LMBR1L: variants seen among roughly 807,000 people sequenced by gnomAD.
LMBR1L encodes the protein limb development membrane protein 1 like.
In LMBR1L, 47 loss-of-function variants were observed where a neutral mutation model predicts 67.3. The observed-to-expected ratio is 0.70, with a 90% CI of 0.55 to 0.89. The LOEUF (loss-of-function observed/expected upper bound fraction) is 0.89, where lower values mean the gene tolerates loss of function less well. LMBR1L is among the 40% of genes least tolerant of loss of function. The probability of loss-of-function intolerance (pLI) is 0.00; values close to 1 mark genes in which losing one functional copy is unlikely to be tolerated. For synonymous variants in LMBR1L, 247 were observed against 250.3 expected (o/e 0.99, Z 0.13); for missense variants, 533 against 599.2 (o/e 0.89, Z 1.15).
At chr12:49,104,141 G>A in intron 5 of LMBR1L, 1 of 475,472 alleles carries the variant, frequency 2.1e-6, no homozygotes, top group East Asian at 3.6e-5. Flanking sequence ...TAGAAAAAAG[G>A]TGAGGGTATG....
At chr12:49,102,442 C>T (rs763224820) in intron 9 of LMBR1L, 26 bp downstream of exon 9, 1 of 1,613,952 alleles carries the variant, frequency 6.2e-7, no homozygotes, top group Non-Finnish European at 8.5e-7. Context: ...AGCCTACCAC[C>T]CCAGCAGGGA....
chr12:49,108,328 C>T (rs1020050741), intron 1 of LMBR1L, among the ~76,000 whole-genome samples: 3 of 151,966 alleles, frequency 2.0e-5, no homozygotes, highest in Non-Finnish European at 4.4e-5. Context: ...TTTTGGGAGG[C>T]CGAGGCGGGA....
In LMBR1L at chr12:49,107,042, A is replaced by G. The variant is rs761740511; in HGVS notation, c.76T>C (p.Ser26Pro). ...TACAGTGTTGCAAACAGAAGTGTTG[A>G]TATCTGTAGCAGAATATGAGCTGGG... ...FHERIRECII[S>P]TLLFATLYIL... is the part of the protein sequence containing the mutation. The change falls in exon 2 of 17, where the codon TCA becomes CCA. Residue 26 changes from serine (S) to proline (P), a missense_variant. By Grantham distance (74) the Ser-to-Pro change is moderately conservative. This residue lies in a region of LMBR1L where 246 missense variants were observed against 249.0 expected (regional missense o/e 0.99). Transcript: ENST00000267102. 7.5e-6 allele frequency: 12 copies of G among 1,610,296 alleles called. No homozygotes were observed. The highest frequency in any genetic ancestry group is 2.2e-5 in the South Asian group (2 of 91,030).
chr12:49,108,405 T>C (rs754479021), intron 1 of LMBR1L, among the ~76,000 whole-genome samples: 4 of 150,344 alleles, frequency 2.7e-5, no homozygotes, highest in African/African-American at 9.8e-5. Context: ...CTACTAAAAA[T>C]ACAAAAATTA....
At chr12:49,104,303 A>T in intron 5 of LMBR1L, 145 bp downstream of exon 5, 1 of 694,594 alleles carries the variant, frequency 1.4e-6, no homozygotes, top group Non-Finnish European at 2.5e-6. Context: ...TACAGGCCTA[A>T]GGGTGGTAAT....
At position 49,110,731 on chromosome 12, in the gene LMBR1L, A is replaced by C. The variant is rs1941455415; in HGVS notation, c.-176T>G. The C allele has an allele frequency of 8.1e-6, 5 of 616,462 alleles. No individual in the cohort carries two copies. The highest frequency in any genetic ancestry group is 5.6e-5 in the South Asian group (3 of 53,236). 38.2% of individuals were successfully genotyped at this position (616,462 alleles called of 1,614,324 possible). The stretch of plus-strand genomic sequence containing the variant: ...CAGTCGTCCGGACGCCCCGCCCTTA[A>C]AGGGGCAGGCACCACCCGCCTCGTT... On this transcript the variant is annotated 5_prime_UTR_variant, in exon 1 of 17. Transcript: ENST00000267102.
At chr12:49,109,452 T>C (rs1341276868) in intron 1 of LMBR1L, among the ~76,000 whole-genome samples, 1 of 152,204 alleles carries the variant, frequency 6.6e-6, no homozygotes, top group Admixed American at 6.5e-5. Flanking sequence ...GACCTAATTA[T>C]GTCCTGGCTC....
At chr12:49,102,649 C>G in intron 8 of LMBR1L, 109 bp from the exon 9 acceptor site, 1 of 1,126,574 alleles carries the variant, frequency 8.9e-7, no homozygotes, top group African/African-American at 1.5e-5. Context: ...TTCCCCCAGA[C>G]CCTCATTCAC....
Position 49,104,835 on chromosome 12 carries a change from A to C in LMBR1L, c.242T>G (p.Leu81Arg), listed in dbSNP as rs150339977. The change falls in exon 4 of 17, where the codon CTC becomes CGC. Residue 81 changes from leucine (L) to arginine (R), a missense_variant. Around this residue, in one of 3 missense-constraint regions of LMBR1L, gnomAD observed 246 missense variants for 249.0 expected, o/e 0.99. Coordinates refer to ENST00000267102, the MANE Select transcript of LMBR1L (RefSeq NM_018113.4). ...ATTGCTGATGATGGAGAAGGGCAGG[A>C]GCAGGACAGCACCCAGGGCAATTGC... ...TLAIALGAVL[L>R]LPFSIISNEV... 231 of 1,613,748 alleles carry C rather than the reference A, an allele frequency of 1.4e-4. 1 individual carries two copies. In the Middle Eastern group the frequency reaches 3.2e-3, roughly 22 times the overall value.
chr12:49,107,988 G>C (rs1357058331), intron 1 of LMBR1L, among the ~76,000 whole-genome samples: 2 of 152,186 alleles, frequency 1.3e-5, no homozygotes, highest in Non-Finnish European at 2.9e-5. Context: ...AATTGGGCTG[G>C]GCGTTGAGGC....
chr12:49,107,136 TTCC>T (rs1941009649), intron 1 of LMBR1L, 91 bp from the exon 2 acceptor site: 2 of 816,038 alleles, frequency 2.5e-6, no homozygotes, highest in South Asian at 2.9e-5. Flanking sequence ...AGGCCATCAC[TTCC>T]TCAAGATAAG....
At chr12:49,104,656 C>T in intron 4 of LMBR1L, 90 bp downstream of exon 4, 1 of 1,584,516 alleles carries the variant, frequency 6.3e-7, no homozygotes, top group Non-Finnish European at 8.6e-7. Flanking sequence ...CGACATATGA[C>T]TGCTTGGCGC....
chr12:49,102,241 G>T (rs1212323946), intron 10 of LMBR1L, 45 bp from the exon 11 acceptor site: 22 of 1,613,212 alleles, frequency 1.4e-5, no homozygotes, highest in Non-Finnish European at 1.7e-5. Flanking sequence ...GGAACCAGGG[G>T]CTACTCTCCT....
chr12:49,101,926 T>C, intron 11 of LMBR1L, 194 bp downstream of exon 11: 1 of 600,752 alleles, frequency 1.7e-6, no homozygotes, highest in East Asian at 2.8e-5. Flanking sequence ...CTCAACTCTG[T>C]CTCTTCGTCT....
At chr12:49,102,628 TAGTCCC>T in intron 8 of LMBR1L, 88 bp from the exon 9 acceptor site, 1 of 1,357,704 alleles carries the variant, frequency 7.4e-7, no homozygotes, top group Non-Finnish European at 1.0e-6. Context: ...CAGGGCTCCG[TAGTCCC>T]AGGCTTCCCC....
rs373724560 is a variant in LMBR1L at position 49,110,606 on chromosome 12, G to A, written c.-51C>T. 90 of 1,553,738 alleles carry A rather than the reference G, an allele frequency of 5.8e-5. No homozygotes were observed. Among genetic ancestry groups the A allele is most frequent in the Admixed American group, 1.0e-4 (6 of 59,812 alleles). ...AGGTGCCTCTGGGCCCGGGGAGGAC[G>A]AGCGGGGAGGAAGCCGCCGCCGCCA... On this transcript the variant is annotated 5_prime_UTR_variant, in exon 1 of 17. Coordinates refer to ENST00000267102, the MANE Select transcript of LMBR1L (RefSeq NM_018113.4).
intron 13 of LMBR1L, 67 bp from the exon 14 acceptor site, chr12:49,100,713 G>T: frequency 8.4e-7 from 1 of 1,188,804 alleles, no homozygotes; most frequent in Non-Finnish European, 1.2e-6. Context: ...AGGGAACAGA[G>T]CTCTCTCCCA....
intron 1 of LMBR1L, chr12:49,109,928 G>C (rs896294535): frequency 2.4e-6 from 1 of 411,888 alleles, no homozygotes; most frequent in Admixed American, 2.9e-5. Context: ...AAAAGACGGG[G>C]GAATACTTGG....
In LMBR1L at chr12:49,103,725, A is replaced by G; in HGVS notation, c.524T>C (p.Ile175Thr). The change falls in exon 6 of 17, where the codon ATT becomes ACT. Residue 175 changes from isoleucine to threonine, a missense_variant. Physicochemically the swap from Ile to Thr is moderately conservative, Grantham distance 89. Around this residue, in one of 3 missense-constraint regions of LMBR1L, gnomAD observed 246 missense variants for 249.0 expected, o/e 0.99. Coordinates refer to ENST00000267102, the MANE Select transcript of LMBR1L (RefSeq NM_018113.4). ...VLGMVWVASA[I>T]VDKNKANRES... Reference sequence around the variant, plus strand: ...TCTGTTGGCCTTGTTCTTGTCCACAATGGCTGATGCCACCCACACCATACC... The same window carrying G: ...TCTGTTGGCCTTGTTCTTGTCCACAGTGGCTGATGCCACCCACACCATACC... The G allele has an allele frequency of 6.2e-7, 1 of 1,614,156 alleles. No individual in the cohort carries two copies. Among genetic ancestry groups the G allele is most frequent in the Non-Finnish European group, 8.5e-7 (1 of 1,180,024 alleles).
Sources: gnomAD v4.1 joint callset for allele counts (sites outside exome capture counted in the v4.1 genomes callset) on GRCh38, gnomAD v4.1.1 for gene constraint, gnomAD v4.1.1 regional missense constraint, MANE v1.5 for transcripts, NCBI Gene and HGNC (gene_info 2026-07-23, HGNC 2026-07-21) for gene names.